Variants in NUP98 observed in about 807,000 individuals in gnomAD.
NUP98 encodes the protein nuclear pore complex protein Nup98-Nup96.
In NUP98, 26 loss-of-function variants were observed where a neutral mutation model predicts 191.9. The observed-to-expected ratio is 0.14, with a 90% CI of 0.10 to 0.19. The LOEUF (loss-of-function observed/expected upper bound fraction) is 0.19. Ranked by LOEUF, NUP98 falls within the 10% of genes least tolerant of loss-of-function variation. The probability of loss-of-function intolerance (pLI) is 1.00; values close to 1 mark genes in which losing one functional copy is unlikely to be tolerated. For synonymous variants in NUP98, 808 were observed against 778.4 expected, an observed-to-expected ratio of 1.04 and a Z score of -0.63; for missense variants, 1,941 against 2,178.8, an observed-to-expected ratio of 0.89 and a Z score of 2.17.
chr11:3,764,553 A>C (rs1414062748), intron 8 of NUP98, among the ~76,000 whole-genome samples: 1 of 152,140 alleles, frequency 6.6e-6, no homozygotes, highest in Non-Finnish European at 1.5e-5. Flanking sequence ...TGAGGGTTCC[A>C]ACTTCTCCAG....
chr11:3,719,784 T>G (rs2079324554), intron 17 of NUP98, among the ~76,000 whole-genome samples: 1 of 151,522 alleles, frequency 6.6e-6, no homozygotes. Context: ...TTTTTTTTTT[T>G]GGCAAGGTCT....
Position 3,776,040 on chromosome 11 carries a change from A to T in NUP98, c.356-19T>A. 1 of 1,592,848 alleles carries T rather than the reference A, an allele frequency of 6.3e-7. No individual in the cohort carries two copies. Among genetic ancestry groups the T allele is most frequent in the Non-Finnish European group, 8.6e-7 (1 of 1,167,526 alleles). On this transcript the variant is annotated intron_variant, in intron 4 of 32. Coordinates refer to ENST00000324932, the MANE Select transcript of NUP98 (RefSeq NM_016320.5). ...CCAAAATCTAAAAATAAGAAAGAAA[A>T]ATGAGACGATAACAGTAAGAAATTT... is the stretch of plus-strand genomic sequence containing the variant.
At chr11:3,783,147 C>T (rs932719791) in intron 1 of NUP98, among the ~76,000 whole-genome samples, 13 of 152,134 alleles carry the variant, frequency 8.5e-5, no homozygotes, top group Non-Finnish European at 1.3e-4. Context: ...ATCCTGACAG[C>T]TTGGGAGGCT....
intron 10 of NUP98, among the ~76,000 whole-genome samples, chr11:3,758,963 T>C (rs1203066077): frequency 6.6e-6 from 1 of 152,178 alleles, no homozygotes; most frequent in African/African-American, 2.4e-5. Flanking sequence ...ACCAAACACA[T>C]CAATTTAGGA....
intron 1 of NUP98, among the ~76,000 whole-genome samples, chr11:3,789,239 T>A (rs936955495): frequency 5.9e-5 from 9 of 152,264 alleles, no homozygotes; most frequent in African/African-American, 2.2e-4. Flanking sequence ...TTAAAAAGCA[T>A]AATAAATGTC....
intron 5 of NUP98, 45 bp downstream of exon 5, chr11:3,775,837 C>A (rs1554902753): frequency 6.3e-7 from 1 of 1,577,510 alleles, no homozygotes; most frequent in Non-Finnish European, 8.7e-7. Context: ...AAGAAATATA[C>A]ATGCGGGAAA....
chr11:3,699,458 A>C, intron 24 of NUP98, 110 bp from the exon 25 acceptor site: 47 of 1,195,842 alleles, frequency 3.9e-5, no homozygotes, highest in Non-Finnish European at 5.2e-5. Context: ...TAGACATCTC[A>C]AACAACCACT....
At chr11:3,725,964 G>C (rs1487691138) in intron 14 of NUP98, among the ~76,000 whole-genome samples, 3 of 152,072 alleles carry the variant, frequency 2.0e-5, no homozygotes, top group African/African-American at 7.2e-5. Context: ...GGGACGATAG[G>C]CACCCACCAC....
Position 3,763,055 on chromosome 11 carries a change from T to C in NUP98, c.949-16A>G, listed in dbSNP as rs1377216431. 3.7e-6 allele frequency: 6 copies of C among 1,611,578 alleles called. No homozygotes were observed. Among genetic ancestry groups the C allele is most frequent in the South Asian group, 2.2e-5 (2 of 90,518 alleles). On this transcript the variant is annotated splice_polypyrimidine_tract_variant and intron_variant, in intron 8 of 32. Transcript: ENST00000324932. The stretch of plus-strand genomic sequence containing the variant: ...CAAATAATCCCTGCAAAGAAGTTTA[T>C]ATAGATTAAAAGATATCCTGTAATA...
chr11:3,712,533 CCATT>C, intron 20 of NUP98, 27 bp downstream of exon 20: 1 of 1,610,986 alleles, frequency 6.2e-7, no homozygotes, highest in Non-Finnish European at 8.5e-7. Context: ...ATCACGGATT[CCATT>C]CAAATTCACT....
intron 20 of NUP98, among the ~76,000 whole-genome samples, chr11:3,710,640 T>C (rs936324852): frequency 3.3e-5 from 5 of 152,186 alleles, no homozygotes; most frequent in Non-Finnish European, 7.3e-5. Context: ...AAGACTGCTA[T>C]TTCCAGTATA....
intron 12 of NUP98, among the ~76,000 whole-genome samples, chr11:3,737,617 A>T (rs1302334446): frequency 6.6e-6 from 1 of 152,200 alleles, no homozygotes; most frequent in Non-Finnish European, 1.5e-5. Context: ...ACAGAGCGAG[A>T]TTCCGTCTCA....
chr11:3,773,519 C>T (rs2081602284), intron 6 of NUP98, 113 bp downstream of exon 6: 1 of 543,044 alleles, frequency 1.8e-6, no homozygotes, highest in Non-Finnish European at 3.1e-6. Context: ...TAATTTTTTA[C>T]ATAAACCCAA....
chr11:3,731,933 T>C (rs1379589032), intron 13 of NUP98, among the ~76,000 whole-genome samples: 1 of 152,236 alleles, frequency 6.6e-6, no homozygotes, highest in East Asian at 1.9e-4. Context: ...TTGGAGCATT[T>C]TGGATTTTCA....
At chr11:3,771,461 T>C (rs169346) in intron 7 of NUP98, among the ~76,000 whole-genome samples, 53,546 of 151,974 alleles carry the variant, frequency 0.35, 9,814 homozygotes, top group African/African-American at 0.45. Flanking sequence ...CAGTTTCCAC[T>C]AGCTGGAATG....
chr11:3,707,738 C>G (rs868188996), intron 20 of NUP98, among the ~76,000 whole-genome samples: 1 of 48,568 alleles, frequency 2.1e-5, no homozygotes, highest in South Asian at 1.3e-3. Context: ...GACTCTGTCT[C>G]AAAAAAAAAA....
At chr11:3,793,972 A>AAAAT (rs75347478) in intron 1 of NUP98, among the ~76,000 whole-genome samples, 12,883 of 151,924 alleles carry the variant, frequency 0.085, 662 homozygotes, top group African/African-American at 0.13. Flanking sequence ...TCTGTCTCAA[A>AAAAT]AAATAAATAA....
chr11:3,726,903 C>G (rs779662554), intron 14 of NUP98, among the ~76,000 whole-genome samples: 1 of 151,762 alleles, frequency 6.6e-6, no homozygotes, highest in South Asian at 2.1e-4. Flanking sequence ...CTGGGACTAT[C>G]GGCATGTGCC....
intron 12 of NUP98, among the ~76,000 whole-genome samples, chr11:3,742,692 CTG>C (rs1181805343): frequency 1.1e-5 from 1 of 91,394 alleles, no homozygotes; most frequent in Non-Finnish European, 2.1e-5. Context: ...GAGCAAGACT[CTG>C]TCTCCAAAAA....
Sources: gnomAD v4.1 joint callset for allele counts (sites outside exome capture counted in the v4.1 genomes callset) on GRCh38, gnomAD v4.1.1 for gene constraint, MANE v1.5 for transcripts, NCBI Gene and HGNC (gene_info 2026-07-23, HGNC 2026-07-21) for gene names.